Variants in LINGO1 observed in about 807,000 individuals in gnomAD.
LINGO1 encodes the protein leucine-rich repeat and immunoglobulin-like domain-containing nogo receptor-interacting protein 1.
In LINGO1, 11 loss-of-function variants were observed where a neutral mutation model predicts 37.3. The ratio of observed to expected loss-of-function variants is 0.29; its 90% CI spans 0.19 to 0.49. The LOEUF is 0.49. LINGO1 is among the 20% of genes least tolerant of loss of function. The probability of loss-of-function intolerance (pLI) is 0.99; values close to 1 mark genes in which losing one functional copy is unlikely to be tolerated. For synonymous variants in LINGO1, 387 were observed against 403.0 expected, an observed-to-expected ratio of 0.96 and a Z score of 0.48; for missense variants, 585 against 878.2, an observed-to-expected ratio of 0.67 and a Z score of 4.22.
chr15:77,691,631 G>A (rs557646484), intron 1 of LINGO1, among the ~76,000 whole-genome samples: 41 of 152,098 alleles, frequency 2.7e-4, no homozygotes, highest in Admixed American at 1.7e-3. Flanking sequence ...AGATTGTCCC[G>A]GAAAACTGTC....
At chr15:77,637,549 C>T (rs2074419928), upstream of LINGO1, among the ~76,000 whole-genome samples, 2 of 152,140 alleles carry the variant, frequency 1.3e-5, no homozygotes, top group African/African-American at 4.8e-5. The surrounding 1 kb of genome is among the most constrained non-coding windows in gnomAD (Gnocchi z 4.6). Context: ...GTCGGTTTCA[C>T]GGGGTGGTGT....
intron 1 of LINGO1, among the ~76,000 whole-genome samples, chr15:77,776,196 T>G (rs1420575617): frequency 6.7e-6 from 1 of 150,160 alleles, no homozygotes. Context: ...AAATATTACG[T>G]CTTCCCTGCA....
At position 77,632,905 on chromosome 15, in the gene LINGO1, G is replaced by GGAGCACTAGGAGC. The variant is rs1394116623; in HGVS notation, c.-591_-590insGCTCCTAGTGCTC. Among the ~76,000 whole-genome samples, 2 of 151,076 alleles carry GGAGCACTAGGAGC rather than the reference G, an allele frequency of 1.3e-5. No homozygotes were observed. Among genetic ancestry groups the GGAGCACTAGGAGC allele is most frequent in the Non-Finnish European group, 3.0e-5 (2 of 67,536 alleles). Reference sequence around the variant, plus strand: ...CCGCGCTCTGCAGCGGCGCGGGGAGGGAGCACTAGGAGCGAGCCAGGGAGG... The same window carrying GGAGCACTAGGAGC: ...CCGCGCTCTGCAGCGGCGCGGGGAGGGAGCACTAGGAGCGAGCACTAGGAGCGAGCCAGGGAGG... On this transcript the variant is annotated 5_prime_UTR_variant, in exon 1 of 2. Coordinates refer to ENST00000355300, the MANE Select transcript of LINGO1 (RefSeq NM_032808.7). The surrounding 1 kb of genome is among the most constrained non-coding windows in gnomAD (Gnocchi z 6.0).
At chr15:77,775,528 G>A (rs562114690) in intron 1 of LINGO1, among the ~76,000 whole-genome samples, 307 of 152,220 alleles carry the variant, frequency 2.0e-3, no homozygotes, top group Non-Finnish European at 3.7e-3. Flanking sequence ...TCTCTGAAAT[G>A]AGAAGACTTA....
intron 2 of LINGO1, among the ~76,000 whole-genome samples, chr15:77,792,914 C>T (rs947251984): frequency 1.8e-4 from 28 of 152,350 alleles, no homozygotes; most frequent in South Asian, 6.2e-4. Context: ...GTGATCCCAA[C>T]CCAGCACGAC....
chr15:77,724,786 C>G (rs560239860), intron 2 of LINGO1, among the ~76,000 whole-genome samples: 12 of 152,360 alleles, frequency 7.9e-5, no homozygotes, highest in Admixed American at 7.8e-4. Flanking sequence ...CAGCCCACCA[C>G]TGGGCCAGGC....
At chr15:77,705,216 T>C (rs1450145198) in intron 2 of LINGO1, among the ~76,000 whole-genome samples, 1 of 69,624 alleles carries the variant, frequency 1.4e-5, no homozygotes, top group Admixed American at 1.8e-4. Context: ...CCAGTCCACT[T>C]CCAGCACCCT....
At chr15:77,737,421 A>AAGGGAGGAAGGGGAGGAAGGAG (rs1303195600) in intron 1 of LINGO1, among the ~76,000 whole-genome samples, 5 of 152,086 alleles carry the variant, frequency 3.3e-5, no homozygotes, top group East Asian at 3.9e-4. Context: ...AGAAAGGAGA[A>AAGGGAGGAAGGGGAGGAAGGAG]AGGGAGGAAG....
At chr15:77,753,517 A>C (rs1213397142) in intron 1 of LINGO1, among the ~76,000 whole-genome samples, 1 of 152,206 alleles carries the variant, frequency 6.6e-6, no homozygotes, top group Non-Finnish European at 1.5e-5. Context: ...GAACATCGTC[A>C]TGGAGACAGA....
chr15:77,810,530 G>C (rs1194295496), intron 1 of LINGO1, among the ~76,000 whole-genome samples: 1 of 152,196 alleles, frequency 6.6e-6, no homozygotes, highest in Non-Finnish European at 1.5e-5. Flanking sequence ...AGCCCATGTG[G>C]CCTGGAAGCA....
At chr15:77,621,552 TTA>T (rs1402421526) in intron 1 of LINGO1, among the ~76,000 whole-genome samples, 1 of 152,130 alleles carries the variant, frequency 6.6e-6, no homozygotes, top group Non-Finnish European at 1.5e-5. Context: ...GACACAGGGC[TTA>T]GACTCTGCAG....
At chr15:77,616,155 C>T (rs890530671) in intron 1 of LINGO1, among the ~76,000 whole-genome samples, 2 of 152,116 alleles carry the variant, frequency 1.3e-5, no homozygotes, top group Non-Finnish European at 2.9e-5. Flanking sequence ...AGGGAAGGGG[C>T]GGGTCACCTC....
intron 1 of LINGO1, among the ~76,000 whole-genome samples, chr15:77,796,463 A>T (rs552990755): frequency 1.3e-5 from 2 of 152,320 alleles, no homozygotes; most frequent in South Asian, 2.1e-4. Context: ...TCCATAAAAG[A>T]AAAATACCAT....
chr15:77,695,430 C>T (rs1429541995), intron 1 of LINGO1, among the ~76,000 whole-genome samples: 1 of 152,176 alleles, frequency 6.6e-6, no homozygotes, highest in Non-Finnish European at 1.5e-5. Flanking sequence ...GGAAGCCACC[C>T]TCCTGATCAA....
intron 1 of LINGO1, among the ~76,000 whole-genome samples, chr15:77,758,677 C>G (rs893728015): frequency 2.6e-5 from 4 of 152,156 alleles, no homozygotes; most frequent in Non-Finnish European, 5.9e-5. Flanking sequence ...GTGACATTGG[C>G]AAGCTGCTTA....
At chr15:77,809,464 C>T (rs1456968387) in intron 1 of LINGO1, among the ~76,000 whole-genome samples, 1 of 152,216 alleles carries the variant, frequency 6.6e-6, no homozygotes, top group Non-Finnish European at 1.5e-5. Flanking sequence ...CAGCTGTGCA[C>T]ACAAATGAGG....
chr15:77,777,466 C>A (rs112404898), intron 1 of LINGO1, among the ~76,000 whole-genome samples: 2 of 10,992 alleles, frequency 1.8e-4, no homozygotes, highest in Non-Finnish European at 1.3e-3. Context: ...TACACACACG[C>A]ACACACACAC....
At chr15:77,634,739 G>T (rs2141090197), upstream of LINGO1, among the ~76,000 whole-genome samples, 1 of 152,168 alleles carries the variant, frequency 6.6e-6, no homozygotes, top group East Asian at 1.9e-4. Flanking sequence ...GCGCTGCCTG[G>T]ACCCCTCCCC....
Position 77,806,518 on chromosome 15 carries a change from G to C in LINGO1, c.-457-10465C>G, listed in dbSNP as rs116359716. ...AGCTTGACCTACATCTGTCCACAGG[G>C]GATGGGCATCCTGTTCTGCCCACCC... On this transcript the variant is annotated intron_variant, in intron 1 of 5. Coordinates refer to the LINGO1 transcript ENST00000562933. 6.2e-3 allele frequency among the ~76,000 whole-genome samples: 950 copies of C among 152,226 alleles called. 4 individuals are homozygous for C. Among genetic ancestry groups the C allele is most frequent in the African/African-American group, 0.016 (677 of 41,532 alleles).
Sources: allele counts gnomAD v4.1 joint callset (sites outside exome capture counted in the v4.1 genomes callset), GRCh38; gene constraint gnomAD v4.1.1; non-coding constraint Gnocchi (gnomAD v3.1); transcripts MANE v1.5; gene names NCBI Gene and HGNC (gene_info 2026-07-23, HGNC 2026-07-21).